Variants in PTPN5 observed in about 807,000 individuals in gnomAD.
The protein encoded by PTPN5 is tyrosine-protein phosphatase non-receptor type 5.
In PTPN5, 29 loss-of-function variants were observed where a neutral mutation model predicts 73.9. That is an observed-to-expected ratio of 0.39 (90% confidence interval 0.29 to 0.54). The LOEUF is 0.54. Among genes scored for constraint, PTPN5 ranks in the 20% least tolerant of loss-of-function variants. The probability of loss-of-function intolerance (pLI) is 0.65; values close to 1 mark genes in which losing one functional copy is unlikely to be tolerated. For missense variants in PTPN5, 652 were observed against 751.4 expected, an observed-to-expected ratio of 0.87 and a Z score of 1.55; for synonymous variants, 267 against 304.7, an observed-to-expected ratio of 0.88 and a Z score of 1.29.
At chr11:18,785,425 T>C (rs1271028157) in intron 1 of PTPN5, among the ~76,000 whole-genome samples, 1 of 152,208 alleles carries the variant, frequency 6.6e-6, no homozygotes, top group Non-Finnish European at 1.5e-5. Context: ...TATAAACCTA[T>C]ATGTGGACTA....
At chr11:18,751,812 T>C (rs920866972) in intron 3 of PTPN5, among the ~76,000 whole-genome samples, 1 of 152,248 alleles carries the variant, frequency 6.6e-6, no homozygotes, top group Non-Finnish European at 1.5e-5. Context: ...GGTCTTAAAA[T>C]ACGTCTGTAA....
At chr11:18,748,830 A>G (rs1392204463) in intron 3 of PTPN5, among the ~76,000 whole-genome samples, 6 of 152,112 alleles carry the variant, frequency 3.9e-5, no homozygotes, top group African/African-American at 9.7e-5. Flanking sequence ...TCAGAAAAGT[A>G]TTTACTGGGG....
rs1420120341 is a variant in PTPN5, at chr11:18,728,677, T to C, written c.*257A>G. The C allele has an allele frequency of 2.3e-6, 1 of 436,132 alleles. No homozygotes were observed. Among genetic ancestry groups the C allele is most frequent in the African/African-American group, 2.0e-5 (1 of 49,212 alleles). The allele number at this position is 436,132 out of a possible 1,614,324, so 27.0% of individuals were successfully genotyped here. On this transcript the variant is annotated 3_prime_UTR_variant, in exon 15 of 15. Coordinates refer to ENST00000358540, the MANE Select transcript of PTPN5 (RefSeq NM_006906.2). This position sits in a 1 kb window ranked among gnomAD's most constrained non-coding sequence, Gnocchi z 4.1. ...TCGTTAAAAACTGGAGCCCGGGGTCTGCGTGGTGTGGGTCAGGCCCCGGGG... is the reference window on the plus strand; with the variant it reads ...TCGTTAAAAACTGGAGCCCGGGGTCCGCGTGGTGTGGGTCAGGCCCCGGGG...
In PTPN5 at chr11:18,729,913, C is replaced by G; in HGVS notation, c.1330-95G>C. ...AGAGATGAGATGGAAGGAGGAAGAA[C>G]ACAGGAAGAACACTGAGAGTGGGAC... On this transcript the variant is annotated intron_variant, in intron 12 of 14. Transcript: ENST00000358540. This position sits in a 1 kb window ranked among gnomAD's most constrained non-coding sequence, Gnocchi z 5.2. 2.6e-6 allele frequency: 4 copies of G among 1,513,764 alleles called. No homozygotes were observed. Among genetic ancestry groups the G allele is most frequent in the Non-Finnish European group, 3.7e-6 (4 of 1,092,172 alleles). The allele number at this position is 1,513,764 out of a possible 1,614,324, so 93.8% of individuals were successfully genotyped here.
In PTPN5 at chr11:18,772,606, G is replaced by A. The variant is rs550564836; in HGVS notation, c.-113-535C>T. Among the ~76,000 whole-genome samples, 161 of 152,274 alleles carry A rather than the reference G, an allele frequency of 1.1e-3. No homozygotes were observed. In the South Asian group the frequency reaches 0.028, roughly 26 times the overall value. ...TTCTCTGAGTGGGAGAAGTGGGTGCGGGCATGGCAGGGACCCCAGGGAAGG... is the reference window on the plus strand; with the variant it reads ...TTCTCTGAGTGGGAGAAGTGGGTGCAGGCATGGCAGGGACCCCAGGGAAGG... On this transcript the variant is annotated intron_variant, in intron 1 of 14. Coordinates refer to ENST00000358540, the MANE Select transcript of PTPN5 (RefSeq NM_006906.2).
chr11:18,788,189 C>T (rs929729085), intron 1 of PTPN5, among the ~76,000 whole-genome samples: 6 of 152,174 alleles, frequency 3.9e-5, no homozygotes, highest in Admixed American at 3.9e-4. Flanking sequence ...TTACAACCAC[C>T]CCCAGTCCAT....
chr11:18,764,627 T>C (rs992887959), intron 3 of PTPN5, among the ~76,000 whole-genome samples: 1 of 152,256 alleles, frequency 6.6e-6, no homozygotes, highest in African/African-American at 2.4e-5. Context: ...ATTCTAAGGT[T>C]CCTTGCCAAT....
intron 3 of PTPN5, 90 bp downstream of exon 3, chr11:18,765,717 T>C: frequency 1.2e-6 from 1 of 858,838 alleles, no homozygotes; most frequent in Non-Finnish European, 1.9e-6. Context: ...AGTTCACAGC[T>C]AGCTAGGCTT....
In PTPN5 at chr11:18,754,578, G is replaced by A. The variant is rs1590550362; in HGVS notation, c.98-10379C>T. 4.6e-5 allele frequency among the ~76,000 whole-genome samples: 7 copies of A among 152,296 alleles called. No individual in the cohort carries two copies. The South Asian group carries it at 1.5e-3, about 32-fold the overall frequency. On this transcript the variant is annotated intron_variant, in intron 3 of 14. Transcript: ENST00000358540. ...GTTGAACCAATCAACCCAAAGGGTGGTGACTCAACTCAGAGGGCCCACTCT... is the reference window on the plus strand; with the variant it reads ...GTTGAACCAATCAACCCAAAGGGTGATGACTCAACTCAGAGGGCCCACTCT...
intron 3 of PTPN5, among the ~76,000 whole-genome samples, chr11:18,755,129 C>A (rs1850071219): frequency 6.6e-6 from 1 of 152,220 alleles, no homozygotes; most frequent in African/African-American, 2.4e-5. Flanking sequence ...AGCTGCCCTG[C>A]AGTGTGGCCA....
chr11:18,756,745 AC>A (rs1363479499), intron 3 of PTPN5, among the ~76,000 whole-genome samples: 2 of 148,250 alleles, frequency 1.3e-5, no homozygotes, highest in African/African-American at 5.0e-5. Flanking sequence ...ACACGGTGAA[AC>A]CCCGTCTCTA....
At chr11:18,736,055 T>C (rs1472360122) in intron 9 of PTPN5, among the ~76,000 whole-genome samples, 1 of 152,152 alleles carries the variant, frequency 6.6e-6, no homozygotes, top group Non-Finnish European at 1.5e-5. Context: ...TTGGACAACA[T>C]GAAAGCCCTA....
At chr11:18,774,332 G>A (rs1391773551) in intron 1 of PTPN5, among the ~76,000 whole-genome samples, 1 of 152,196 alleles carries the variant, frequency 6.6e-6, no homozygotes, top group Non-Finnish European at 1.5e-5. Flanking sequence ...GGAAGCAGGT[G>A]TAGACAAAGG....
At chr11:18,753,957 C>T (rs1293071794) in intron 3 of PTPN5, among the ~76,000 whole-genome samples, 5 of 152,152 alleles carry the variant, frequency 3.3e-5, no homozygotes, top group African/African-American at 4.8e-5. Flanking sequence ...ACACAAAAAA[C>T]ATCACCCATT....
At chr11:18,748,606 T>C (rs1849743578) in intron 3 of PTPN5, among the ~76,000 whole-genome samples, 2 of 151,978 alleles carry the variant, frequency 1.3e-5, no homozygotes, top group African/African-American at 4.8e-5. Flanking sequence ...TTTGGGGAGA[T>C]GCATGGACCT....
chr11:18,731,235 A>G (rs1006494560), intron 12 of PTPN5, among the ~76,000 whole-genome samples: 7 of 148,928 alleles, frequency 4.7e-5, no homozygotes, highest in African/African-American at 1.7e-4. Flanking sequence ...GGATATGTAT[A>G]TCATATATAC....
rs576409271 is a variant in PTPN5 at position 18,729,936 on chromosome 11, G to T, written c.1330-118C>A. ...AACACAGGAAGAACACTGAGAGTGGGACCCCTTCACCCTTCCATCTAGGCC... is the reference window on the plus strand; with the variant it reads ...AACACAGGAAGAACACTGAGAGTGGTACCCCTTCACCCTTCCATCTAGGCC... On this transcript the variant is annotated intron_variant, in intron 12 of 14. Coordinates refer to ENST00000358540, the MANE Select transcript of PTPN5 (RefSeq NM_006906.2). This position sits in a 1 kb window ranked among gnomAD's most constrained non-coding sequence, Gnocchi z 5.2. 1 of 1,354,484 alleles carries T rather than the reference G, an allele frequency of 7.4e-7. No individual in the cohort carries two copies. The highest frequency in any genetic ancestry group is 1.2e-5 in the South Asian group (1 of 81,752). The allele number at this position is 1,354,484 out of a possible 1,614,324, so 83.9% of individuals were successfully genotyped here.
At chr11:18,738,670 C>T (rs1186587950) in intron 8 of PTPN5, among the ~76,000 whole-genome samples, 1 of 152,104 alleles carries the variant, frequency 6.6e-6, no homozygotes, top group Non-Finnish European at 1.5e-5. Context: ...CAAGTTGTTC[C>T]CACCCTTTAA....
At position 18,743,993 on chromosome 11, in the gene PTPN5, G is replaced by T. The variant is rs1174959867; in HGVS notation, c.291+13C>A. The T allele has an allele frequency of 6.3e-7, 1 of 1,589,494 alleles. No individual in the cohort carries two copies. Among genetic ancestry groups the T allele is most frequent in the African/African-American group, 1.4e-5 (1 of 72,988 alleles). On this transcript the variant is annotated intron_variant, in intron 4 of 14. Transcript: ENST00000358540. ...CTCTCTCCAGACCCTTGTGAGGCCT[G>T]TGCCATCCTTACCAGGAACTGTGAG...
Sources: gnomAD v4.1 joint callset for allele counts (sites outside exome capture counted in the v4.1 genomes callset) on GRCh38, gnomAD v4.1.1 for gene constraint, Gnocchi (gnomAD v3.1) non-coding constraint, MANE v1.5 for transcripts, NCBI Gene and HGNC (gene_info 2026-07-23, HGNC 2026-07-21) for gene names.